Variants in UNC13B observed in about 807,000 individuals in gnomAD.
UNC13B encodes the protein unc-13 homolog B, also known as protein unc-13 homolog B.
In UNC13B, 144 loss-of-function variants were observed where a neutral mutation model predicts 211.0. That is an observed-to-expected ratio of 0.68 (90% CI 0.60 to 0.78). The LOEUF (loss-of-function observed/expected upper bound fraction) is 0.78. Ranked by LOEUF, UNC13B falls within the 30% of genes least tolerant of loss-of-function variation. UNC13B has a pLI of 0.00. For missense variants in UNC13B, 1,777 were observed against 2,002.0 expected, an observed-to-expected ratio of 0.89 and a Z score of 2.14; for synonymous variants, 709 against 725.8, an observed-to-expected ratio of 0.98 and a Z score of 0.37.
At chr9:35,221,869 G>A (rs1325384014) in intron 1 of UNC13B, among the ~76,000 whole-genome samples, 1 of 152,156 alleles carries the variant, frequency 6.6e-6, no homozygotes, top group African/African-American at 2.4e-5. Context: ...ATATGCACTT[G>A]CATATGAATA....
chr9:35,399,212 G>A lies in UNC13B; in HGVS notation c.12126G>A (p.Leu4042=). The change falls in exon 34 of 40, where the codon CTG becomes CTA. Residue 4042 remains leucine, a synonymous_variant. Coordinates refer to ENST00000635942, the MANE Select transcript of UNC13B (RefSeq NM_001371189.2). ...VCEKTVLKRV[L]KELWRVVMNT... ...AGAAGACGGTTCTGAAGCGTGTACT[G>A]AAGGAGCTCTGGCGCGTGGTGATGA... is the stretch of plus-strand genomic sequence containing the variant. 6.2e-7 allele frequency: 1 copy of A among 1,614,164 alleles called. No homozygotes were observed. The highest frequency in any genetic ancestry group is 8.5e-7 in the Non-Finnish European group (1 of 1,180,030).
intron 24 of UNC13B, 57 bp from the exon 25 acceptor site, chr9:35,389,789 C>G: frequency 6.3e-7 from 1 of 1,593,426 alleles, no homozygotes; most frequent in Non-Finnish European, 8.6e-7. Flanking sequence ...TGGAGACACC[C>G]TCTACATTCT....
In UNC13B at chr9:35,370,407, ACT is replaced by A; in HGVS notation, c.9540+14_9540+15del. The A allele has an allele frequency of 6.2e-7, 1 of 1,612,924 alleles. No homozygotes were observed. Among genetic ancestry groups the A allele is most frequent in the Non-Finnish European group, 8.5e-7 (1 of 1,179,686 alleles). On this transcript the variant is annotated intron_variant, in intron 13 of 39. Transcript: ENST00000635942. The stretch of plus-strand genomic sequence containing the variant: ...CTTGTCAGTGATCTGGTGAGTGAAG[ACT>A]CTTGTGCAGGCATAGGCAGTAGCCT...
chr9:35,226,353 GGT>G (rs142509730), intron 1 of UNC13B, among the ~76,000 whole-genome samples: 4 of 150,366 alleles, frequency 2.7e-5, no homozygotes, highest in Admixed American at 6.6e-5. Context: ...GAACTGATAG[GGT>G]GTGTGTGTGT....
At chr9:35,367,087 A>G (rs141131497) in intron 12 of UNC13B, 94 bp downstream of exon 12, 5 of 1,271,284 alleles carry the variant, frequency 3.9e-6, no homozygotes, top group East Asian at 2.3e-5. Flanking sequence ...CCAGCTTCAT[A>G]AGCTGCATCC....
Position 35,386,105 on chromosome 9 carries a change from G to T in UNC13B, c.10966-60G>T, listed in dbSNP as rs1481456151. On this transcript the variant is annotated intron_variant, in intron 23 of 39. Coordinates refer to ENST00000635942, the MANE Select transcript of UNC13B (RefSeq NM_001371189.2). The stretch of plus-strand genomic sequence containing the variant: ...TAGAGTAGGTTTGGGGTAGTGCTAG[G>T]AGAATATCCCACCCAGGTGAGCAGG... 3 of 1,609,064 alleles carry T rather than the reference G, an allele frequency of 1.9e-6. No individual in the cohort carries two copies. The African/African-American group carries it at 4.0e-5, about 21-fold the overall frequency.
intron 5 of UNC13B, among the ~76,000 whole-genome samples, chr9:35,240,677 T>C (rs1031409119): frequency 6.6e-6 from 1 of 152,172 alleles, no homozygotes; most frequent in Non-Finnish European, 1.5e-5. Context: ...TGTATTACTT[T>C]TTGACTGATT....
At chr9:35,238,098 G>T (rs10972396) in intron 5 of UNC13B, among the ~76,000 whole-genome samples, 21,482 of 152,020 alleles carry the variant, frequency 0.14, 1,803 homozygotes, top group Admixed American at 0.24. Flanking sequence ...TGAAATATTT[G>T]CTTGTTAGAT....
chr9:35,273,124 T>TA (rs964829936), intron 7 of UNC13B, among the ~76,000 whole-genome samples: 3 of 152,184 alleles, frequency 2.0e-5, no homozygotes, highest in African/African-American at 7.2e-5. Flanking sequence ...TAACCCAACA[T>TA]ATTGTTTAAA....
intron 2 of UNC13B, among the ~76,000 whole-genome samples, chr9:35,230,181 T>C (rs1314848277): frequency 1.3e-5 from 2 of 152,130 alleles, no homozygotes; most frequent in African/African-American, 4.8e-5. Context: ...TGATAATATT[T>C]CTTTTTTTGG....
chr9:35,358,511 A>G (rs1229221859), intron 11 of UNC13B, among the ~76,000 whole-genome samples: 1 of 152,106 alleles, frequency 6.6e-6, no homozygotes, highest in Middle Eastern at 3.2e-3. Flanking sequence ...TGTAATGGGT[A>G]TGAAGTAGAG....
At chr9:35,202,046 T>G (rs1006892977) in intron 1 of UNC13B, among the ~76,000 whole-genome samples, 1 of 152,206 alleles carries the variant, frequency 6.6e-6, no homozygotes, top group African/African-American at 2.4e-5. Flanking sequence ...GTGTCTTTGT[T>G]CCATTGGTTT....
chr9:35,291,532 A>G (rs1829098659), intron 7 of UNC13B, among the ~76,000 whole-genome samples: 1 of 152,160 alleles, frequency 6.6e-6, no homozygotes, highest in Non-Finnish European at 1.5e-5. Flanking sequence ...GACTAGGAGG[A>G]TATGCAGAAC....
chr9:35,236,676 C>A, intron 4 of UNC13B, 90 bp downstream of exon 4: 1 of 1,147,972 alleles, frequency 8.7e-7, no homozygotes, highest in South Asian at 1.4e-5. Context: ...TTCATCCATG[C>A]ATCTTGGATT....
intron 11 of UNC13B, among the ~76,000 whole-genome samples, chr9:35,364,976 G>C (rs749311631): frequency 5.3e-5 from 8 of 152,188 alleles, no homozygotes; most frequent in Non-Finnish European, 1.2e-4. Flanking sequence ...AGCCCAGCAC[G>C]CATGTGTACT....
intron 1 of UNC13B, among the ~76,000 whole-genome samples, chr9:35,198,553 T>C (rs374302713): frequency 8.6e-4 from 131 of 152,138 alleles, no homozygotes; most frequent in African/African-American, 3.0e-3. Context: ...TATCAAGGAG[T>C]GAAGCATTGC....
chr9:35,237,838 T>C lies in UNC13B; in HGVS notation c.394+12T>C. 1 of 1,591,042 alleles carries C rather than the reference T, an allele frequency of 6.3e-7. No homozygotes were observed. Among genetic ancestry groups the C allele is most frequent in the Non-Finnish European group, 8.5e-7 (1 of 1,171,980 alleles). On this transcript the variant is annotated intron_variant, in intron 5 of 39. Transcript: ENST00000635942. Reference sequence around the variant, plus strand: ...TGAGTTGCCTTTTGGTGAGTAAAATTTTAAAACTATTTAATAATTTTTACC... The same window carrying C: ...TGAGTTGCCTTTTGGTGAGTAAAATCTTAAAACTATTTAATAATTTTTACC...
At chr9:35,197,244 C>G (rs952665881) in intron 1 of UNC13B, among the ~76,000 whole-genome samples, 1 of 151,828 alleles carries the variant, frequency 6.6e-6, no homozygotes, top group Admixed American at 6.6e-5. Context: ...GTCTCGCTCT[C>G]TCACCGAGGC....
chr9:35,340,689 T>C (rs193140039), intron 11 of UNC13B, among the ~76,000 whole-genome samples: 13 of 152,268 alleles, frequency 8.5e-5, no homozygotes, highest in Non-Finnish European at 2.9e-5. Context: ...AAGAGGGCCT[T>C]TTCTCTTAAG....
Sources: gnomAD v4.1 joint callset for allele counts (sites outside exome capture counted in the v4.1 genomes callset) on GRCh38, gnomAD v4.1.1 for gene constraint, MANE v1.5 for transcripts, NCBI Gene and HGNC (gene_info 2026-07-23, HGNC 2026-07-21) for gene names.